SYN1: variants seen among roughly 807,000 people sequenced by gnomAD.
The protein encoded by SYN1 is synapsin-1.
SYN1 carries 8 observed loss-of-function variants against 44.6 expected under a neutral mutation model. The observed-to-expected ratio is 0.18, with a 90% confidence interval of 0.11 to 0.32. The LOEUF is 0.32. Ranked by LOEUF, SYN1 falls within the 10% of genes least tolerant of loss-of-function variation. SYN1 has a pLI of 1.00. For synonymous variants in SYN1, 275 were observed against 280.1 expected, an observed-to-expected ratio of 0.98 and a Z score of 0.18; for missense variants, 451 against 639.4, an observed-to-expected ratio of 0.71 and a Z score of 3.18.
At chrX:47,582,860 A>G (rs1394900624) in intron 5 of SYN1, among the ~76,000 whole-genome samples, 1 of 81,837 alleles carries the variant, frequency 1.2e-5, no homozygotes, top group African/African-American at 4.9e-5. Flanking sequence ...CCAGCTCCCA[A>G]ACTTCTTTTG....
intron 12 of SYN1, 95 bp from the exon 13 acceptor site, chrX:47,573,094 C>T (rs1442237967): frequency 2.8e-6 from 3 of 1,077,833 alleles, no homozygotes; most frequent in Non-Finnish European, 3.8e-6. Flanking sequence ...CCAGCCCCAG[C>T]CCTGCCCCTC....
intron 11 of SYN1, 25 bp from the exon 12 acceptor site, chrX:47,574,615 G>T: frequency 9.0e-7 from 1 of 1,112,534 alleles, no homozygotes; most frequent in African/African-American, 1.8e-5. Context: ...GAGAGAAAGA[G>T]CACACGTGAG....
chrX:47,606,905 T>C (rs2057899398), intron 3 of SYN1, 40 bp downstream of exon 3: 3 of 1,163,233 alleles, frequency 2.6e-6, no homozygotes, highest in Non-Finnish European at 2.3e-6. Context: ...AGAGTTCTTA[T>C]GCCTTGCTCA....
intron 5 of SYN1, among the ~76,000 whole-genome samples, chrX:47,592,496 C>T (rs1045337037): frequency 9.0e-6 from 1 of 111,036 alleles, no homozygotes; most frequent in Non-Finnish European, 1.9e-5. Context: ...TTCGCTTTTC[C>T]ATATGAACTT....
At chrX:47,593,015 C>A (rs1448823446) in intron 5 of SYN1, among the ~76,000 whole-genome samples, 1 of 109,860 alleles carries the variant, frequency 9.1e-6, no homozygotes, top group African/African-American at 3.3e-5. Context: ...GCTGGGACTA[C>A]AAGGGTGCAC....
At chrX:47,593,324 C>T (rs764903924) in intron 5 of SYN1, among the ~76,000 whole-genome samples, 151 of 105,883 alleles carry the variant, frequency 1.4e-3, no homozygotes, top group African/African-American at 5.1e-3. Context: ...GGCTGGAGTG[C>T]AGTGGCATGA....
rs2057873120 is a variant in SYN1 at position 47,599,323 on chromosome X, T to C, written c.774+5655A>G. Among the ~76,000 whole-genome samples, 4 of 112,437 alleles carry C rather than the reference T, an allele frequency of 3.6e-5. No homozygotes were observed. In the Admixed American group the frequency reaches 3.8e-4, roughly 11 times the overall value. On this transcript the variant is annotated intron_variant, in intron 5 of 12. Coordinates refer to ENST00000295987, the MANE Select transcript of SYN1 (RefSeq NM_006950.3). ...GTGCTCACTAGATTTTATATAAACA[T>C]GCTCTTTGAGGCTGAAGCAAAGCTA...
intron 5 of SYN1, among the ~76,000 whole-genome samples, chrX:47,600,374 T>G (rs1291281379): frequency 9.0e-6 from 1 of 111,087 alleles, no homozygotes; most frequent in East Asian, 2.8e-4. Context: ...TGCATGTGTA[T>G]TTTTTGCAGA....
chrX:47,573,460 C>T (rs1289175568), intron 12 of SYN1, among the ~76,000 whole-genome samples: 2 of 110,716 alleles, frequency 1.8e-5, no homozygotes, highest in African/African-American at 6.6e-5. Flanking sequence ...GCAGGGAGGA[C>T]GTCTGAGCTG....
intron 3 of SYN1, among the ~76,000 whole-genome samples, chrX:47,605,901 CTTT>C: frequency 9.6e-6 from 1 of 104,437 alleles, no homozygotes; most frequent in South Asian, 4.2e-4. Context: ...ATATTTTTTT[CTTT>C]TTTTTTTTTC....
intron 5 of SYN1, chrX:47,582,649 C>T (rs55990337): frequency 3.1e-6 from 1 of 327,811 alleles, no homozygotes; most frequent in Non-Finnish European, 6.2e-6. Flanking sequence ...ACTGCTTTCC[C>T]AACCCCGAGG....
At chrX:47,598,369 T>C (rs1389432783) in intron 5 of SYN1, among the ~76,000 whole-genome samples, 1 of 109,388 alleles carries the variant, frequency 9.1e-6, no homozygotes, top group Non-Finnish European at 1.9e-5. Flanking sequence ...TAAATAATGA[T>C]GTTAATTGTA....
At chrX:47,591,424 T>A (rs1163370836) in intron 5 of SYN1, among the ~76,000 whole-genome samples, 1 of 111,681 alleles carries the variant, frequency 9.0e-6, no homozygotes, top group African/African-American at 3.3e-5. Context: ...GACAGAGATA[T>A]GAAATGTTAG....
chrX:47,591,734 A>G, intron 5 of SYN1, among the ~76,000 whole-genome samples: 1 of 106,386 alleles, frequency 9.4e-6, no homozygotes, highest in Non-Finnish European at 1.9e-5. Context: ...AAAAAAAAAA[A>G]GTTAGTATAT....
chrX:47,608,817 G>A (rs1294030503), intron 1 of SYN1, among the ~76,000 whole-genome samples: 1 of 108,251 alleles, frequency 9.2e-6, no homozygotes, highest in Non-Finnish European at 1.9e-5. Flanking sequence ...ATCATGGAAG[G>A]GGGATGAGGG....
intron 12 of SYN1, among the ~76,000 whole-genome samples, chrX:47,573,601 AC>A (rs2057766797): frequency 9.1e-6 from 1 of 110,228 alleles, no homozygotes; most frequent in Non-Finnish European, 1.9e-5. Context: ...TGATAGGAGG[AC>A]TAGGACTCGG....
In SYN1 at chrX:47,586,911, C is replaced by T. The variant is rs1603060657; in HGVS notation, c.775-9410G>A. On this transcript the variant is annotated intron_variant, in intron 5 of 12. Transcript: ENST00000295987. ...TGGGTTTTTATATTTTACTTAAATT[C>T]TGATGTACTGGTAGTAATTCTCAAC... 9.3e-6 allele frequency: 4 copies of T among 431,014 alleles called. No individual in the cohort carries two copies. In the East Asian group the frequency reaches 1.5e-4, roughly 17 times the overall value. The allele number at this position is 431,014 out of a possible 1,213,427, so 35.5% of individuals were successfully genotyped here.
intron 5 of SYN1, among the ~76,000 whole-genome samples, chrX:47,603,919 T>A: frequency 9.7e-6 from 1 of 103,598 alleles, no homozygotes. Flanking sequence ...TTTTTTTTTT[T>A]TTTTTGAGAT....
intron 1 of SYN1, among the ~76,000 whole-genome samples, chrX:47,617,883 A>G (rs1310225122): frequency 9.0e-6 from 1 of 111,616 alleles, no homozygotes; most frequent in African/African-American, 3.3e-5. Context: ...ATTAGAAGAA[A>G]AGGCCTTTGG....
Sources: gnomAD v4.1 joint callset for allele counts (sites outside exome capture counted in the v4.1 genomes callset) on GRCh38, gnomAD v4.1.1 for gene constraint, MANE v1.5 for transcripts, NCBI Gene and HGNC (gene_info 2026-07-23, HGNC 2026-07-21) for gene names.